The following WDR5 variants were observed in gnomAD, a reference collection of about 807,000 sequenced individuals.
WDR5 encodes the protein WD repeat domain 5, also known as WD repeat-containing protein 5.
For synonymous variants in WDR5, 144 were observed against 161.6 expected (o/e 0.89, Z 0.83); for missense variants, 187 against 416.9 (o/e 0.45, Z 4.80).
chr9:134,145,098 T>TTTTTTC (rs1832113933), intron 7 of WDR5, among the ~76,000 whole-genome samples: 1 of 111,136 alleles, frequency 9.0e-6, no homozygotes, highest in Admixed American at 8.5e-5. Context: ...GGGGCTTTGT[T>TTTTTTC]TTTTTTTTTT....
intron 4 of WDR5, 59 bp downstream of exon 4, chr9:134,141,642 A>AG: frequency 6.4e-7 from 1 of 1,559,976 alleles, no homozygotes; most frequent in Non-Finnish European, 8.8e-7. Context: ...CTAGTGATCA[A>AG]GGGGTCAGGG....
At chr9:134,149,142 T>G (rs921319807) in intron 8 of WDR5, among the ~76,000 whole-genome samples, 1 of 152,138 alleles carries the variant, frequency 6.6e-6, no homozygotes, top group Non-Finnish European at 1.5e-5. Context: ...CCCCAGTGAC[T>G]GTTGGCGTGG....
rs892834441 is a variant in WDR5 at position 134,159,400 on chromosome 9, C to T, written c.*1407C>T. 1.3e-5 allele frequency: 2 copies of T among 152,534 alleles called. No individual in the cohort carries two copies. The highest frequency in any genetic ancestry group is 2.9e-5 in the Non-Finnish European group (2 of 68,326). 9.4% of individuals were successfully genotyped at this position (152,534 alleles called of 1,614,324 possible). On this transcript the variant is annotated 3_prime_UTR_variant, in exon 14 of 14. Coordinates refer to ENST00000358625, the MANE Select transcript of WDR5 (RefSeq NM_017588.3). The surrounding 1 kb of genome is among the most constrained non-coding windows in gnomAD (Gnocchi z 4.3). ...GGAGCCCAGCCAGCTCTGCCTCTCT[C>T]AGGGCCTGGAGTCCTGGGGGAGCTC...
intron 7 of WDR5, among the ~76,000 whole-genome samples, chr9:134,143,541 T>G (rs1832009988): frequency 6.6e-6 from 1 of 151,658 alleles, no homozygotes; most frequent in Non-Finnish European, 1.5e-5. Context: ...CTTTTTTTTT[T>G]TTTGAGACTG....
At position 134,148,356 on chromosome 9, in the gene WDR5, A is replaced by G. The variant is rs780860775; in HGVS notation, c.584+13A>G. 1.2e-5 allele frequency: 19 copies of G among 1,609,488 alleles called. No individual in the cohort carries two copies. In the East Asian group the frequency reaches 3.8e-4, roughly 32 times the overall value. ...ATGATGGTCTCTGGTAAGTGAAAAC[A>G]TTTTACTTCATGAAGCGATGAGTGC... On this transcript the variant is annotated intron_variant, in intron 8 of 13. Transcript: ENST00000358625.
chr9:134,144,497 G>A (rs1260031673), intron 7 of WDR5, among the ~76,000 whole-genome samples: 2 of 152,172 alleles, frequency 1.3e-5, no homozygotes, highest in Non-Finnish European at 2.9e-5. Flanking sequence ...TGATAGGTAG[G>A]ATTTTAAAAG....
intron 1 of WDR5, 78 bp from the exon 2 acceptor site, chr9:134,139,742 T>C: frequency 1.1e-6 from 1 of 935,340 alleles, no homozygotes. Flanking sequence ...TGTTTTTCTT[T>C]TCATCCTTTT....
intron 6 of WDR5, 63 bp from the exon 7 acceptor site, chr9:134,142,573 G>T: frequency 6.3e-7 from 1 of 1,591,094 alleles, no homozygotes; most frequent in Non-Finnish European, 8.6e-7. Context: ...GCAGGTCTTA[G>T]GTTCTGGGGA....
Position 134,141,503 on chromosome 9 carries a change from C to T in WDR5, c.191-7C>T. Reference sequence around the variant, plus strand: ...TCTTAGCCTCAGATCCTTTTGTTTTCTTTCAGCTGCTGATAAACTTATTAA... The same window carrying T: ...TCTTAGCCTCAGATCCTTTTGTTTTTTTTCAGCTGCTGATAAACTTATTAA... On this transcript the variant is annotated splice_polypyrimidine_tract_variant and splice_region_variant and intron_variant, in intron 3 of 13. Transcript: ENST00000358625. The T allele has an allele frequency of 4.3e-6, 7 of 1,613,870 alleles. No individual in the cohort carries two copies. The highest frequency in any genetic ancestry group is 5.9e-6 in the Non-Finnish European group (7 of 1,179,890).
intron 8 of WDR5, among the ~76,000 whole-genome samples, chr9:134,149,831 A>G (rs1220471951): frequency 6.6e-6 from 1 of 152,210 alleles, no homozygotes. Context: ...CAGCGGGAGG[A>G]AGCGGGAGTC....
intron 9 of WDR5, among the ~76,000 whole-genome samples, chr9:134,153,340 G>T (rs992273635): frequency 6.6e-6 from 1 of 152,142 alleles, no homozygotes; most frequent in Non-Finnish European, 1.5e-5. Flanking sequence ...GGACGGAGGG[G>T]TCGCTGCATA....
intron 9 of WDR5, among the ~76,000 whole-genome samples, chr9:134,153,046 C>T (rs1221488069): frequency 6.6e-6 from 1 of 152,198 alleles, no homozygotes; most frequent in African/African-American, 2.4e-5. Context: ...CAGCATGAGT[C>T]CCCTTGCCAC....
intron 10 of WDR5, among the ~76,000 whole-genome samples, 155 bp from the exon 11 acceptor site, chr9:134,155,185 A>C (rs1238172266): frequency 6.6e-6 from 1 of 152,214 alleles, no homozygotes; most frequent in East Asian, 1.9e-4. Flanking sequence ...TTTGAGCCTG[A>C]GGGGCTCCTT....
intron 7 of WDR5, among the ~76,000 whole-genome samples, chr9:134,143,993 A>C (rs1238455777): frequency 6.6e-6 from 1 of 152,252 alleles, no homozygotes; most frequent in Non-Finnish European, 1.5e-5. Flanking sequence ...GGAAGGGTGG[A>C]TGCAGCATTT....
At chr9:134,151,694 C>T (rs1276042296) in intron 8 of WDR5, among the ~76,000 whole-genome samples, 1 of 152,158 alleles carries the variant, frequency 6.6e-6, no homozygotes, top group Non-Finnish European at 1.5e-5. Context: ...GAGCAACAGG[C>T]TTCCCGCTCT....
rs78106568 is a variant in WDR5, at chr9:134,147,382, C to T, written c.529-906C>T. Among the ~76,000 whole-genome samples, 147 of 152,308 alleles carry T rather than the reference C, an allele frequency of 9.7e-4. 1 individual carries two copies. Among genetic ancestry groups the T allele is most frequent in the African/African-American group, 3.1e-3 (129 of 41,572 alleles). ...CCTAGCAGTCTCTGCCATAGTAGCT[C>T]ACCGGTGCCTTTGATGCATGTGGAT... On this transcript the variant is annotated intron_variant, in intron 7 of 13. Coordinates refer to ENST00000358625, the MANE Select transcript of WDR5 (RefSeq NM_017588.3).
chr9:134,141,418 G>T, intron 3 of WDR5, 92 bp from the exon 4 acceptor site: 1 of 1,245,610 alleles, frequency 8.0e-7, no homozygotes, highest in East Asian at 2.4e-5. Context: ...TGATCACCTG[G>T]GACTCATGTG....
At chr9:134,145,092 C>G (rs1832105429) in intron 7 of WDR5, among the ~76,000 whole-genome samples, 1 of 56,840 alleles carries the variant, frequency 1.8e-5, no homozygotes, top group South Asian at 5.7e-4. Context: ...GTTTGTGGGG[C>G]TTTGTTTTTT....
chr9:134,138,751 C>T (rs943201534), intron 1 of WDR5, among the ~76,000 whole-genome samples: 2 of 152,258 alleles, frequency 1.3e-5, no homozygotes, highest in South Asian at 2.1e-4. Flanking sequence ...TTTTTAATGC[C>T]TTCCATTTCG....
Sources: allele counts gnomAD v4.1 joint callset (sites outside exome capture counted in the v4.1 genomes callset), GRCh38; gene constraint gnomAD v4.1.1; non-coding constraint Gnocchi (gnomAD v3.1); transcripts MANE v1.5; gene names NCBI Gene and HGNC (gene_info 2026-07-23, HGNC 2026-07-21).